The following CYB5R3 variants were observed in gnomAD, a reference collection of about 807,000 sequenced individuals.
CYB5R3 encodes the protein NADH-cytochrome b5 reductase 3.
CYB5R3 carries 28 observed loss-of-function variants against 36.5 expected under a neutral mutation model. The observed-to-expected ratio is 0.77, with a 90% confidence interval of 0.57 to 1.05. The LOEUF (loss-of-function observed/expected upper bound fraction) is 1.05. Ranked by LOEUF, CYB5R3 falls within the 50% of genes least tolerant of loss-of-function variation. The pLI is 0.00. For missense variants in CYB5R3, 474 were observed against 408.9 expected, an observed-to-expected ratio of 1.16 and a Z score of -1.37; for synonymous variants, 181 against 159.8, an observed-to-expected ratio of 1.13 and a Z score of -1.00.
At chr22:42,622,291 C>T (rs1928018656) in intron 8 of CYB5R3, among the ~76,000 whole-genome samples, 2 of 152,166 alleles carry the variant, frequency 1.3e-5, no homozygotes, top group African/African-American at 4.8e-5. Flanking sequence ...ACCTCCGCTC[C>T]AGCCGCTGCC....
intron 1 of CYB5R3, among the ~76,000 whole-genome samples, chr22:42,643,197 C>T (rs1929369995): frequency 6.6e-6 from 1 of 152,198 alleles, no homozygotes; most frequent in African/African-American, 2.4e-5. Flanking sequence ...GAGGAGGACG[C>T]TCTGGTGGAG....
chr22:42,628,327 G>A, intron 4 of CYB5R3, 46 bp from the exon 5 acceptor site: 3 of 1,610,490 alleles, frequency 1.9e-6, no homozygotes, highest in Non-Finnish European at 2.5e-6. Flanking sequence ...CCAGGTCTCA[G>A]GGGCGAGCTC....
At position 42,618,141 on chromosome 22, in the gene CYB5R3, G is replaced by A. The variant is rs5758810; in HGVS notation, c.*1632C>T. 485 of 152,360 alleles carry A rather than the reference G, an allele frequency of 3.2e-3. 14 individuals carry two copies. The East Asian group carries it at 0.087, about 27-fold the overall frequency. The allele number at this position is 152,360 out of a possible 1,614,324, so 9.4% of individuals were successfully genotyped here. A position where few individuals can be genotyped will look rare whatever the true frequency, so the allele number is the denominator to read the frequency against. On this transcript the variant is annotated 3_prime_UTR_variant, in exon 9 of 9. Coordinates refer to ENST00000352397, the MANE Select transcript of CYB5R3 (RefSeq NM_000398.7). The stretch of plus-strand genomic sequence containing the variant: ...CCTCGCGGTGCATTGGGGTGACTGG[G>A]GTTGCGTGGTTTCAGCTGGTTTGCC...
At chr22:42,644,371 G>A (rs1022786591) in intron 1 of CYB5R3, 1 of 705,772 alleles carries the variant, frequency 1.4e-6, no homozygotes, top group South Asian at 1.5e-5. Flanking sequence ...CCTCTCTATG[G>A]CCCCAACTCT....
intron 8 of CYB5R3, 115 bp from the exon 9 acceptor site, chr22:42,620,060 C>G (rs1043859836): frequency 7.6e-6 from 8 of 1,054,116 alleles, no homozygotes; most frequent in South Asian, 1.4e-5. Flanking sequence ...AGGCTGATCC[C>G]AGCAAACTGT....
At chr22:42,624,330 C>A (rs1928152288) in intron 7 of CYB5R3, among the ~76,000 whole-genome samples, 1 of 152,200 alleles carries the variant, frequency 6.6e-6, no homozygotes, top group African/African-American at 2.4e-5. Flanking sequence ...GCACCCTCAG[C>A]CCTCCGGCAA....
intron 1 of CYB5R3, 168 bp from the exon 2 acceptor site, chr22:42,637,014 G>A (rs745685555): frequency 1.1e-6 from 1 of 889,330 alleles, no homozygotes; most frequent in African/African-American, 1.6e-5. Context: ...TGCCCACTAG[G>A]AGAAGCTATA....
chr22:42,622,386 C>T (rs1928025510), intron 8 of CYB5R3, among the ~76,000 whole-genome samples: 1 of 152,146 alleles, frequency 6.6e-6, no homozygotes, highest in Non-Finnish European at 1.5e-5. Flanking sequence ...CCCATTAGTC[C>T]TCTGCCTCCC....
At chr22:42,621,218 G>GTGTGTT (rs1556024879) in intron 8 of CYB5R3, among the ~76,000 whole-genome samples, 1 of 149,498 alleles carries the variant, frequency 6.7e-6, no homozygotes, top group Non-Finnish European at 1.5e-5. Flanking sequence ...GTGTGTGTGT[G>GTGTGTT]TTTTTAAGAG....
At chr22:42,646,102 C>T (rs1008157817) in intron 1 of CYB5R3, among the ~76,000 whole-genome samples, 3 of 152,210 alleles carry the variant, frequency 2.0e-5, no homozygotes, top group African/African-American at 4.8e-5. Context: ...CGTCCTCGTC[C>T]ACAGCACCAC....
intron 8 of CYB5R3, among the ~76,000 whole-genome samples, chr22:42,622,320 C>G (rs565439822): frequency 6.6e-6 from 1 of 152,110 alleles, no homozygotes; most frequent in Non-Finnish European, 1.5e-5. Context: ...CTTGGCCCCC[C>G]ACATCACAGG....
intron 8 of CYB5R3, among the ~76,000 whole-genome samples, chr22:42,621,220 T>TGTGTGTGTGTG (rs1406377368): frequency 9.1e-6 from 1 of 109,614 alleles, no homozygotes; most frequent in African/African-American, 4.0e-5. Flanking sequence ...GTGTGTGTGT[T>TGTGTGTGTGTG]TTTAAGAGAC....
chr22:42,635,459 T>C (rs142780849), intron 2 of CYB5R3, among the ~76,000 whole-genome samples: 2,063 of 151,628 alleles, frequency 0.014, 49 homozygotes, highest in African/African-American at 0.047. Context: ...AGGCTGGTCT[T>C]GAACTCCTGA....
chr22:42,624,392 A>G (rs973347273), intron 7 of CYB5R3, among the ~76,000 whole-genome samples: 4 of 152,156 alleles, frequency 2.6e-5, no homozygotes, highest in African/African-American at 7.2e-5. Context: ...GAAACCAGGA[A>G]GTACAGACAC....
chr22:42,634,970 A>C (rs904573163), intron 2 of CYB5R3, among the ~76,000 whole-genome samples: 1 of 137,578 alleles, frequency 7.3e-6, no homozygotes, highest in African/African-American at 2.8e-5. Context: ...ACGCCCAGCT[A>C]ATTTTTTTTT....
intron 1 of CYB5R3, 24 bp from the exon 2 acceptor site, chr22:42,636,870 T>A (rs778640329): frequency 9.9e-5 from 159 of 1,610,268 alleles, no homozygotes; most frequent in Non-Finnish European, 1.2e-4. Flanking sequence ...ACCCGCGGGG[T>A]CAGTGCAGGA....
intron 2 of CYB5R3, among the ~76,000 whole-genome samples, chr22:42,635,429 G>A (rs529544896): frequency 6.6e-6 from 1 of 151,882 alleles, no homozygotes; most frequent in South Asian, 2.1e-4. Context: ...TAGTAGAGAT[G>A]GGGTTTCACC....
At chr22:42,647,711 T>A (rs1929595262) in intron 1 of CYB5R3, among the ~76,000 whole-genome samples, 1 of 137,766 alleles carries the variant, frequency 7.3e-6, no homozygotes, top group Non-Finnish European at 1.6e-5. Context: ...AGAGAGAGAC[T>A]CCATCTCAAA....
intron 1 of CYB5R3, among the ~76,000 whole-genome samples, chr22:42,647,221 T>G (rs2146915978): frequency 6.6e-6 from 1 of 151,352 alleles, no homozygotes; most frequent in Non-Finnish European, 1.5e-5. Context: ...CACCCACCCT[T>G]GGAGAGATGG....
Sources: allele counts gnomAD v4.1 joint callset (sites outside exome capture counted in the v4.1 genomes callset), GRCh38; gene constraint gnomAD v4.1.1; transcripts MANE v1.5; gene names NCBI Gene and HGNC (gene_info 2026-07-23, HGNC 2026-07-21).